RYR3: variants seen among roughly 807,000 people sequenced by gnomAD.
The protein encoded by RYR3 is brain ryanodine receptor-calcium release channel.
RYR3 carries 207 observed loss-of-function variants against 584.3 expected under a neutral mutation model. The ratio of observed to expected loss-of-function variants is 0.35; its 90% CI spans 0.32 to 0.40. RYR3 has a LOEUF of 0.40. Ranked by LOEUF, RYR3 falls within the 10% of genes least tolerant of loss-of-function variation. RYR3 has a pLI of 1.00. For synonymous variants in RYR3, 2,416 were observed against 2,248.5 expected (o/e 1.07, Z -2.11); for missense variants, 5,616 against 6,089.2 (o/e 0.92, Z 2.59).
intron 38 of RYR3, 92 bp downstream of exon 38, chr15:33,670,648 C>T (rs1431638000): frequency 7.8e-7 from 1 of 1,278,068 alleles, no homozygotes; most frequent in Non-Finnish European, 1.1e-6. Context: ...TAGATAGGGG[C>T]TGCTTAACTT....
chr15:33,472,891 T>C (rs2049044494), intron 1 of RYR3, among the ~76,000 whole-genome samples: 1 of 152,026 alleles, frequency 6.6e-6, no homozygotes, highest in Non-Finnish European at 1.5e-5. Context: ...CCTCCATATC[T>C]TCCTCTACCA....
At chr15:33,578,344 C>T (rs561208756) in intron 12 of RYR3, among the ~76,000 whole-genome samples, 17 of 152,148 alleles carry the variant, frequency 1.1e-4, no homozygotes, top group East Asian at 5.8e-4. Context: ...ATAGCAAAGA[C>T]GTAGAATCAA....
intron 40 of RYR3, among the ~76,000 whole-genome samples, chr15:33,699,249 TCTCTCC>T (rs2066091590): frequency 8.4e-6 from 1 of 118,822 alleles, no homozygotes; most frequent in Non-Finnish European, 1.8e-5. Context: ...TCTCTCTCTC[TCTCTCC>T]CCCCCTTTCT....
At position 33,865,722 on chromosome 15, in the gene RYR3, A is replaced by G. The variant is rs1190284738; in HGVS notation, c.*496A>G. 2.6e-5 allele frequency: 4 copies of G among 153,870 alleles called. No individual in the cohort carries two copies. Among genetic ancestry groups the G allele is most frequent in the African/African-American group, 9.6e-5 (4 of 41,482 alleles). The allele number at this position is 153,870 out of a possible 1,614,324, so 9.5% of individuals were successfully genotyped here. ...GTATCCAGAAAAGCTTTAAGCAGTT[A>G]AAGAAACAGAAAAAAACCGACACTT... On this transcript the variant is annotated 3_prime_UTR_variant, in exon 104 of 104. Transcript: ENST00000634891.
At chr15:33,816,382 T>C (rs1020087924) in intron 74 of RYR3, among the ~76,000 whole-genome samples, 4 of 152,264 alleles carry the variant, frequency 2.6e-5, no homozygotes, top group African/African-American at 9.6e-5. Flanking sequence ...ACTTTACCAC[T>C]GTGGTTACTT....
chr15:33,790,268 C>T (rs1018804228), intron 67 of RYR3, among the ~76,000 whole-genome samples: 2 of 151,360 alleles, frequency 1.3e-5, no homozygotes, highest in African/African-American at 4.9e-5. Context: ...GCTGGGATTA[C>T]AGGCGTGAGC....
At chr15:33,811,548 A>G (rs574218751) in intron 72 of RYR3, among the ~76,000 whole-genome samples, 5 of 141,612 alleles carry the variant, frequency 3.5e-5, no homozygotes, top group Non-Finnish European at 7.8e-5. Flanking sequence ...AACTGCCCTT[A>G]ATGTATGTTT....
intron 18 of RYR3, among the ~76,000 whole-genome samples, chr15:33,606,499 C>T (rs1329079174): frequency 6.6e-6 from 1 of 152,192 alleles, no homozygotes. Flanking sequence ...TGAGCTTTTT[C>T]TCTGTGTAGG....
At chr15:33,384,245 A>G (rs2041408470) in intron 1 of RYR3, among the ~76,000 whole-genome samples, 1 of 152,088 alleles carries the variant, frequency 6.6e-6, no homozygotes, top group Admixed American at 6.6e-5. Flanking sequence ...CAGAGAGGAT[A>G]GCAACCTAAA....
In RYR3 at chr15:33,827,142, T is replaced by C. The variant is rs542694550; in HGVS notation, c.11246-57T>C. On this transcript the variant is annotated intron_variant, in intron 84 of 103. Transcript: ENST00000634891. The stretch of plus-strand genomic sequence containing the variant: ...TTATCTGAGCTCAGCTGAGAGGGCA[T>C]GCTTGGCCCCCTCGGCATGGCAGGG... 2.0e-5 allele frequency: 25 copies of C among 1,239,936 alleles called. No individual in the cohort carries two copies. The East Asian group carries it at 5.7e-4, about 28-fold the overall frequency. 76.8% of individuals were successfully genotyped at this position (1,239,936 alleles called of 1,614,324 possible).
chr15:33,838,819 A>G lies in RYR3; in HGVS notation c.12839A>G (p.Asp4280Gly). ...AAGGGAGATACAGATATCATGTCAG[A>G]CCTCTTTGGACTCCACCCAAAGAAA... The part of the protein sequence containing the change: ...GEKGDTDIMS[D>G]LFGLHPKKEG... The change falls in exon 89 of 104, where the codon GAC (aspartate) becomes GGC (glycine). Residue 4280 changes from aspartate (D) to glycine (G), a missense_variant. Transcript: ENST00000634891. 6.2e-7 allele frequency: 1 copy of G among 1,613,816 alleles called. No homozygotes were observed. The highest frequency in any genetic ancestry group is 8.5e-7 in the Non-Finnish European group (1 of 1,179,824).
chr15:33,403,230 G>A (rs1268873832), intron 1 of RYR3, among the ~76,000 whole-genome samples: 3 of 151,306 alleles, frequency 2.0e-5, no homozygotes, highest in African/African-American at 7.3e-5. Context: ...TTTCAACCAT[G>A]TATAGGTAGA....
At chr15:33,530,203 G>A (rs2054748266) in intron 3 of RYR3, among the ~76,000 whole-genome samples, 1 of 152,222 alleles carries the variant, frequency 6.6e-6, no homozygotes, top group South Asian at 2.1e-4. Context: ...CTGCCACACT[G>A]CCTTTGTGTT....
intron 77 of RYR3, among the ~76,000 whole-genome samples, chr15:33,820,143 G>A (rs1015767517): frequency 2.6e-5 from 4 of 152,224 alleles, no homozygotes; most frequent in Non-Finnish European, 4.4e-5. Context: ...CACATCCACA[G>A]GTGAAGGTTA....
chr15:33,782,200 G>A (rs2074431449), intron 65 of RYR3, among the ~76,000 whole-genome samples: 1 of 152,194 alleles, frequency 6.6e-6, no homozygotes, highest in Non-Finnish European at 1.5e-5. Context: ...ACAGTAGCAG[G>A]GTGAAATGAG....
At chr15:33,650,181 A>G (rs953557439) in intron 31 of RYR3, among the ~76,000 whole-genome samples, 2 of 152,152 alleles carry the variant, frequency 1.3e-5, no homozygotes, top group Non-Finnish European at 2.9e-5. Context: ...GATTGAGACC[A>G]TCCTGGCCAA....
At chr15:33,520,427 T>C (rs1419349928) in intron 3 of RYR3, among the ~76,000 whole-genome samples, 1 of 152,192 alleles carries the variant, frequency 6.6e-6, no homozygotes, top group African/African-American at 2.4e-5. Context: ...TGGTCACTGG[T>C]CCACTGTTTC....
chr15:33,780,243 C>G lies in RYR3; in HGVS notation c.9170C>G (p.Ser3057Trp). 6.2e-7 allele frequency: 1 copy of G among 1,613,806 alleles called. No homozygotes were observed. Among genetic ancestry groups the G allele is most frequent in the Non-Finnish European group, 8.5e-7 (1 of 1,179,820 alleles). ...QRPALGECLASLAAAIPVAFL... is the reference protein window; with the variant it reads ...QRPALGECLAWLAAAIPVAFL... ...CCTGCCCTTGGAGAATGTCTGGCCT[C>G]GCTGGCAGCTGCCATACCAGTGGCA... The change falls in exon 65 of 104, where the codon TCG becomes TGG. Residue 3057 changes from serine to tryptophan, a missense_variant. Coordinates refer to ENST00000634891, the MANE Select transcript of RYR3 (RefSeq NM_001036.6).
chr15:33,515,113 A>T (rs756792517), intron 3 of RYR3, among the ~76,000 whole-genome samples: 1 of 152,248 alleles, frequency 6.6e-6, no homozygotes, highest in Non-Finnish European at 1.5e-5. Flanking sequence ...TATAAAGACC[A>T]CATCAGTGAA....
Sources: allele counts gnomAD v4.1 joint callset (sites outside exome capture counted in the v4.1 genomes callset), GRCh38; gene constraint gnomAD v4.1.1; transcripts MANE v1.5; gene names NCBI Gene and HGNC (gene_info 2026-07-23, HGNC 2026-07-21).